The following INO80 variants were observed in gnomAD, a reference collection of about 807,000 sequenced individuals.
INO80 encodes chromatin-remodeling ATPase INO80.
INO80 carries 20 observed loss-of-function variants against 203.4 expected under a neutral mutation model. The observed-to-expected ratio is 0.10, with a 90% confidence interval of 0.07 to 0.14. INO80 has a LOEUF of 0.14. Ranked by LOEUF, INO80 falls within the 10% of genes least tolerant of loss-of-function variation. The pLI is 1.00. For synonymous variants in INO80, 726 were observed against 685.2 expected, an observed-to-expected ratio of 1.06 and a Z score of -0.93; for missense variants, 1,419 against 1,914.4, an observed-to-expected ratio of 0.74 and a Z score of 4.83.
intron 2 of INO80, 73 bp from the exon 3 acceptor site, chr15:41,096,001 T>C (rs2045718001): frequency 2.1e-6 from 3 of 1,462,664 alleles, no homozygotes; most frequent in African/African-American, 2.8e-5. Flanking sequence ...AACTGGACAC[T>C]TTACAGAAGA....
chr15:41,025,504 T>C (rs6492978), intron 25 of INO80, among the ~76,000 whole-genome samples: 82,405 of 151,888 alleles, frequency 0.54, 24,139 homozygotes, highest in African/African-American at 0.77. Flanking sequence ...CACATGAGGT[T>C]AGGAGTTCGA....
chr15:41,054,055 T>C, intron 18 of INO80, 41 bp from the exon 19 acceptor site: 1 of 1,517,128 alleles, frequency 6.6e-7, no homozygotes, highest in Non-Finnish European at 9.1e-7. Flanking sequence ...ATTATAGTGA[T>C]TTCACAAAAA....
chr15:41,017,164 C>G (rs1467782224), intron 26 of INO80: 1 of 152,182 alleles, frequency 6.6e-6, no homozygotes, highest in Non-Finnish European at 1.5e-5. Flanking sequence ...CTTGTGCTTT[C>G]TCTTTCCTCT....
rs2044964997 is a variant in INO80, at chr15:41,055,425, G to C, written c.2071-61C>G. 3 of 1,087,452 alleles carry C rather than the reference G, an allele frequency of 2.8e-6. No homozygotes were observed. The Admixed American group carries it at 5.9e-5, about 21-fold the overall frequency. 67.4% of individuals were successfully genotyped at this position (1,087,452 alleles called of 1,614,324 possible). A position where few individuals can be genotyped will look rare whatever the true frequency, so the allele number is the denominator to read the frequency against. The stretch of plus-strand genomic sequence containing the variant: ...CAATAAAATGACAGCGTGTAAGGAT[G>C]TATTAGATAGAGAAAATTGCAGGTG... On this transcript the variant is annotated intron_variant, in intron 17 of 35. Transcript: ENST00000648947.
At chr15:41,001,521 GTT>G (rs1297029165) in intron 28 of INO80, among the ~76,000 whole-genome samples, 1 of 152,158 alleles carries the variant, frequency 6.6e-6, no homozygotes, top group Non-Finnish European at 1.5e-5. Flanking sequence ...TTTTCCTCAT[GTT>G]TTCCAAAGAG....
At chr15:41,051,128 C>CAAAAA (rs368535813) in intron 19 of INO80, among the ~76,000 whole-genome samples, 28 of 78,476 alleles carry the variant, frequency 3.6e-4, no homozygotes, top group African/African-American at 1.2e-3. Flanking sequence ...GACTCCATCT[C>CAAAAA]AAAAAAAAAA....
At chr15:40,993,802 T>C (rs1197823784) in intron 29 of INO80, among the ~76,000 whole-genome samples, 2 of 123,774 alleles carry the variant, frequency 1.6e-5, no homozygotes, top group Non-Finnish European at 3.6e-5. Flanking sequence ...AATACAGCTT[T>C]AACCCCAATC....
intron 5 of INO80, among the ~76,000 whole-genome samples, chr15:41,088,542 T>A (rs2045593133): frequency 6.6e-6 from 1 of 152,208 alleles, no homozygotes; most frequent in African/African-American, 2.4e-5. Context: ...GTGCCTACAT[T>A]GCCAGAATTC....
At chr15:41,091,929 G>T in intron 5 of INO80, 98 bp downstream of exon 5, 1 of 992,482 alleles carries the variant, frequency 1.0e-6, no homozygotes, top group Non-Finnish European at 1.5e-6. Flanking sequence ...TGGGATTATA[G>T]GTGTGAGCCA....
At chr15:41,089,257 A>G (rs992728051) in intron 5 of INO80, among the ~76,000 whole-genome samples, 6 of 152,202 alleles carry the variant, frequency 3.9e-5, no homozygotes, top group African/African-American at 1.4e-4. Context: ...CAAGTACCTT[A>G]CTGCTGGAGT....
chr15:41,059,432 C>T (rs2045061039), intron 15 of INO80, among the ~76,000 whole-genome samples: 1 of 150,990 alleles, frequency 6.6e-6, no homozygotes, highest in Non-Finnish European at 1.5e-5. Context: ...TGAGACCACC[C>T]TGGGCAACAG....
intron 29 of INO80, among the ~76,000 whole-genome samples, chr15:40,991,266 A>G (rs2043813373): frequency 6.6e-6 from 1 of 152,230 alleles, no homozygotes; most frequent in South Asian, 2.1e-4. Context: ...GGAGGAAAAC[A>G]GAAAAAAATA....
chr15:41,111,424 G>A (rs530540005), intron 1 of INO80, among the ~76,000 whole-genome samples: 5 of 151,552 alleles, frequency 3.3e-5, no homozygotes, highest in Non-Finnish European at 7.4e-5. Flanking sequence ...CCAGCCTGGC[G>A]AGAGAGCGAG....
chr15:40,987,750 G>T, intron 30 of INO80, 66 bp downstream of exon 30: 1 of 1,399,368 alleles, frequency 7.1e-7, no homozygotes, highest in Non-Finnish European at 9.9e-7. Flanking sequence ...TAGTCTCAAT[G>T]CAGTCAATGT....
rs1370014872 is a variant in INO80 at position 41,072,137 on chromosome 15, A to C, written c.1396-79T>G. 1.2e-5 allele frequency: 11 copies of C among 922,706 alleles called. No homozygotes were observed. The East Asian group carries it at 2.4e-4, about 20-fold the overall frequency. The allele number at this position is 922,706 out of a possible 1,614,324, so 57.2% of individuals were successfully genotyped here. On this transcript the variant is annotated intron_variant, in intron 11 of 35. Transcript: ENST00000648947. ...CATGAAAATAAGACTCAAGATAACAATATATCTACCCTGTGCTAAGAAAAA... is the reference window on the plus strand; with the variant it reads ...CATGAAAATAAGACTCAAGATAACACTATATCTACCCTGTGCTAAGAAAAA...
At position 40,979,491 on chromosome 15, in the gene INO80, CCTG is replaced by C. The variant is rs143650842; in HGVS notation, c.*729_*731del. On this transcript the variant is annotated 3_prime_UTR_variant, in exon 36 of 36. Transcript: ENST00000648947. ...TCTGCAAGAGGGGCAGTGAGGCTGT[CCTG>C]CTGATTGAGGTGGCTCCTGGTCTCT... The C allele has an allele frequency of 0.071, 10,887 of 153,506 alleles. 1,090 individuals carry two copies. Among genetic ancestry groups the C allele is most frequent in the African/African-American group, 0.23 (9,462 of 41,472 alleles). The allele number at this position is 153,506 out of a possible 1,614,324, so 9.5% of individuals were successfully genotyped here. A position where few individuals can be genotyped will look rare whatever the true frequency, so the allele number is the denominator to read the frequency against.
intron 9 of INO80, among the ~76,000 whole-genome samples, chr15:41,076,470 T>C (rs1028002551): frequency 4.0e-5 from 6 of 151,532 alleles, no homozygotes; most frequent in Admixed American, 1.3e-4. Flanking sequence ...AACTTTCTTT[T>C]TTTTTTTTTT....
In INO80 at chr15:41,074,533, T is replaced by C. The variant is rs1368114357; in HGVS notation, c.1164A>G (p.Leu388=). The stretch of plus-strand genomic sequence containing the variant: ...GGGCATACAACTCTGTCTGGGTAAT[T>C]AAGAAGTTGAGTTTTCGCTGTTGCC... ...AKRQQRKLNF[L]ITQTELYAHF... Residue 388 remains leucine, a synonymous_variant, in exon 10 of 36, where the codon TTA becomes TTG. Coordinates refer to ENST00000648947, the MANE Select transcript of INO80 (RefSeq NM_017553.3). The C allele has an allele frequency of 6.2e-7, 1 of 1,611,708 alleles. No individual in the cohort carries two copies. The highest frequency in any genetic ancestry group is 1.3e-5 in the African/African-American group (1 of 74,912).
chr15:41,103,964 CCAGCACCTTGGGAGGCCAAGGAAGG>C (rs2045843796), intron 1 of INO80, among the ~76,000 whole-genome samples: 1 of 151,792 alleles, frequency 6.6e-6, no homozygotes, highest in Non-Finnish European at 1.5e-5. Context: ...GCCTGTAATC[CCAGCACCTTGGGAGGCCAAGGAAGG>C]CTGATCACCT....
Sources: gnomAD v4.1 joint callset for allele counts (sites outside exome capture counted in the v4.1 genomes callset) on GRCh38, gnomAD v4.1.1 for gene constraint, MANE v1.5 for transcripts, NCBI Gene and HGNC (gene_info 2026-07-23, HGNC 2026-07-21) for gene names.